The following FAM135B variants were observed in gnomAD, a reference collection of about 807,000 sequenced individuals.
FAM135B encodes family with sequence similarity 135 member B.
A neutral mutation model predicts 127.7 loss-of-function variants in FAM135B; 43 were observed. That is an observed-to-expected ratio of 0.34 (90% confidence interval 0.26 to 0.43). The LOEUF is 0.43. Among genes scored for constraint, FAM135B ranks in the 20% least tolerant of loss-of-function variants. The pLI, the probability that FAM135B is intolerant of heterozygous loss-of-function variation, is 1.00. For missense variants in FAM135B, 1,558 were observed against 1,725.6 expected (o/e 0.90, Z 1.72); for synonymous variants, 670 against 665.1 (o/e 1.01, Z -0.11).
intron 1 of FAM135B, among the ~76,000 whole-genome samples, chr8:138,456,662 A>G (rs1210249576): frequency 6.6e-6 from 1 of 152,132 alleles, no homozygotes; most frequent in Non-Finnish European, 1.5e-5. Context: ...AGCTCATTTT[A>G]AAGTTTTCCT....
chr8:138,425,734 G>A (rs1834800824), intron 1 of FAM135B, among the ~76,000 whole-genome samples: 1 of 151,108 alleles, frequency 6.6e-6, no homozygotes, highest in African/African-American at 2.4e-5. Flanking sequence ...TAGATACCAT[G>A]CTTTCTCCTG....
At chr8:138,286,770 G>A (rs1442089752) in intron 3 of FAM135B, among the ~76,000 whole-genome samples, 1 of 152,156 alleles carries the variant, frequency 6.6e-6, no homozygotes, top group Non-Finnish European at 1.5e-5. Context: ...GACATCCAAG[G>A]CACACTCAGT....
At chr8:138,401,128 T>C (rs1833132610) in intron 1 of FAM135B, among the ~76,000 whole-genome samples, 1 of 152,196 alleles carries the variant, frequency 6.6e-6, no homozygotes, top group Non-Finnish European at 1.5e-5. Context: ...GAAGCTTCCA[T>C]GCTCAACCAA....
At chr8:138,314,273 C>T (rs1307040079) in intron 2 of FAM135B, among the ~76,000 whole-genome samples, 1 of 152,172 alleles carries the variant, frequency 6.6e-6, no homozygotes, top group African/African-American at 2.4e-5. Flanking sequence ...CAGAGGCTCA[C>T]AGGAACCTAA....
intron 1 of FAM135B, among the ~76,000 whole-genome samples, chr8:138,411,641 C>G (rs1833873418): frequency 6.6e-6 from 1 of 152,088 alleles, no homozygotes. Flanking sequence ...CAAATGGGAT[C>G]TAATTAAACT....
At chr8:138,376,353 CTA>C (rs1319318621) in intron 1 of FAM135B, among the ~76,000 whole-genome samples, 1 of 152,086 alleles carries the variant, frequency 6.6e-6, no homozygotes, top group Admixed American at 6.5e-5. Context: ...AGCCATCACC[CTA>C]GGAATGCTGA....
intron 1 of FAM135B, among the ~76,000 whole-genome samples, chr8:138,373,093 C>A (rs1831248526): frequency 6.6e-6 from 1 of 152,106 alleles, no homozygotes; most frequent in Non-Finnish European, 1.5e-5. Flanking sequence ...GGCTAGAGGA[C>A]CAGAAGGTGA....
At position 138,137,275 on chromosome 8, in the gene FAM135B, C is replaced by T. The variant is rs369757079; in HGVS notation, c.3902-15G>A. 157 of 1,376,080 alleles carry T rather than the reference C, an allele frequency of 1.1e-4. No individual in the cohort carries two copies. The highest frequency in any genetic ancestry group is 6.2e-4 in the Admixed American group (37 of 59,446). The allele number at this position is 1,376,080 out of a possible 1,614,324, so 85.2% of individuals were successfully genotyped here. A position where few individuals can be genotyped will look rare whatever the true frequency, so the allele number is the denominator to read the frequency against. ...ATACTGCAGCCCTGTAAAAATTAGC[C>T]AGATGAGTGCTTTTTACCCAGGTAG... On this transcript the variant is annotated splice_polypyrimidine_tract_variant and intron_variant, in intron 18 of 19. Transcript: ENST00000395297.
intron 2 of FAM135B, among the ~76,000 whole-genome samples, chr8:138,348,150 T>TGTG (rs781260098): frequency 1.1e-5 from 1 of 90,298 alleles, no homozygotes; most frequent in African/African-American, 4.8e-5. Context: ...TTTTTTTTTT[T>TGTG]TGAGAAGGAA....
At chr8:138,211,885 T>A (rs1818169267) in intron 7 of FAM135B, among the ~76,000 whole-genome samples, 1 of 152,060 alleles carries the variant, frequency 6.6e-6, no homozygotes, top group African/African-American at 2.4e-5. Flanking sequence ...CTGGTCAACA[T>A]GGTGAAACCT....
rs188978832 is a variant in FAM135B at position 138,447,607 on chromosome 8, G to C, written c.-20+49064C>G. ...CTCATAGGTGGGAATTGAATAATGA[G>C]AACACTTGTACACAGGAAGGGGGAC... is the stretch of plus-strand genomic sequence containing the variant. On this transcript the variant is annotated intron_variant, in intron 1 of 19. Transcript: ENST00000395297. Among the ~76,000 whole-genome samples the C allele has an allele frequency of 4.7e-4, 67 of 143,746 alleles. No individual in the cohort carries two copies. The East Asian group carries it at 0.013, about 29-fold the overall frequency. The allele number at this position is 143,746 out of a possible 152,430, so 94.3% of individuals were successfully genotyped here. A position where few individuals can be genotyped will look rare whatever the true frequency, so the allele number is the denominator to read the frequency against.
intron 3 of FAM135B, among the ~76,000 whole-genome samples, chr8:138,296,849 G>C (rs1274086189): frequency 6.6e-6 from 1 of 151,822 alleles, no homozygotes; most frequent in Non-Finnish European, 1.5e-5. Context: ...TAAAAATTTG[G>C]GATCAATTAT....
chr8:138,414,334 A>C (rs762951286), intron 1 of FAM135B, among the ~76,000 whole-genome samples: 2 of 152,050 alleles, frequency 1.3e-5, no homozygotes, highest in Non-Finnish European at 2.9e-5. Context: ...TGTACAAAGG[A>C]TGATAGCAGC....
intron 1 of FAM135B, among the ~76,000 whole-genome samples, chr8:138,370,829 C>T (rs1373102216): frequency 6.6e-6 from 1 of 152,154 alleles, no homozygotes; most frequent in Admixed American, 6.5e-5. Flanking sequence ...AAATCTAGAG[C>T]CATTTGTCTT....
chr8:138,217,239 A>G (rs1818615754), intron 7 of FAM135B, among the ~76,000 whole-genome samples: 3 of 152,160 alleles, frequency 2.0e-5, no homozygotes, highest in Admixed American at 2.0e-4. Context: ...AATGTGCTTC[A>G]TGGCTAGAAT....
chr8:138,440,458 T>C, intron 1 of FAM135B: 1 of 104,272 alleles, frequency 9.6e-6, no homozygotes, highest in South Asian at 2.9e-4. Flanking sequence ...CATACAAAAG[T>C]CCAAAAAAGG....
intron 2 of FAM135B, among the ~76,000 whole-genome samples, chr8:138,320,831 A>G (rs1254061231): frequency 6.6e-6 from 1 of 152,238 alleles, no homozygotes; most frequent in African/African-American, 2.4e-5. Context: ...ATGGTGTTCT[A>G]CAATTCAATC....
chr8:138,308,673 G>C (rs2130881394), intron 3 of FAM135B, among the ~76,000 whole-genome samples: 1 of 151,732 alleles, frequency 6.6e-6, no homozygotes, highest in East Asian at 1.9e-4. Flanking sequence ...ACTATCTCAA[G>C]CCCTTCTCTT....
intron 2 of FAM135B, among the ~76,000 whole-genome samples, chr8:138,315,674 TA>T (rs34949524): frequency 0.68 from 102,126 of 150,654 alleles, 35,570 homozygotes; most frequent in Non-Finnish European, 0.78. Context: ...ATTCAGCCTT[TA>T]AAAAAAAAAG....
Sources: allele counts gnomAD v4.1 joint callset (sites outside exome capture counted in the v4.1 genomes callset), GRCh38; gene constraint gnomAD v4.1.1; transcripts MANE v1.5; gene names NCBI Gene and HGNC (gene_info 2026-07-23, HGNC 2026-07-21).